The following DPP10 variants were observed in gnomAD, a reference collection of about 807,000 sequenced individuals.
DPP10 encodes dipeptidyl peptidase like 10, also known as inactive dipeptidyl peptidase 10.
In DPP10, 33 loss-of-function variants were observed where a neutral mutation model predicts 120.9. The ratio of observed to expected loss-of-function variants is 0.27; its 90% CI spans 0.21 to 0.37. The LOEUF is 0.37. DPP10 is among the 10% of genes least tolerant of loss of function. The pLI is 1.00. For missense variants in DPP10, 816 were observed against 942.8 expected, an observed-to-expected ratio of 0.87 and a Z score of 1.76; for synonymous variants, 337 against 326.1, an observed-to-expected ratio of 1.03 and a Z score of -0.36.
chr2:114,615,628 C>T (rs950499567), intron 1 of DPP10, among the ~76,000 whole-genome samples: 6 of 152,246 alleles, frequency 3.9e-5, no homozygotes, highest in African/African-American at 1.4e-4. Flanking sequence ...GTAATGGGTT[C>T]TATTCCCTAC....
intron 3 of DPP10, among the ~76,000 whole-genome samples, chr2:115,407,305 A>G (rs1160143740): frequency 2.2e-4 from 34 of 152,092 alleles, no homozygotes; most frequent in Admixed American, 2.2e-3. Flanking sequence ...TTGCCAGGGG[A>G]CCCTTGGCTG....
intron 1 of DPP10, among the ~76,000 whole-genome samples, chr2:114,940,944 T>C (rs1018991110): frequency 6.6e-6 from 1 of 152,188 alleles, no homozygotes; most frequent in Non-Finnish European, 1.5e-5. Context: ...ACATCCTTAT[T>C]CATGTGACCA....
At chr2:115,023,611 A>T (rs888176266) in intron 1 of DPP10, among the ~76,000 whole-genome samples, 1 of 152,192 alleles carries the variant, frequency 6.6e-6, no homozygotes, top group Non-Finnish European at 1.5e-5. Context: ...CTAGAAGTAG[A>T]TCTGCTGTTC....
At chr2:114,498,490 C>G (rs906931521) in intron 1 of DPP10, among the ~76,000 whole-genome samples, 1 of 152,180 alleles carries the variant, frequency 6.6e-6, no homozygotes, top group African/African-American at 2.4e-5. Flanking sequence ...CAGAATACCA[C>G]AAACTACGTA....
At chr2:114,445,534 CTGTGTGTGTGTGTGTGTGTGTGTGTG>C (rs145248880) in intron 1 of DPP10, among the ~76,000 whole-genome samples, 99 of 143,624 alleles carry the variant, frequency 6.9e-4, no homozygotes, top group African/African-American at 2.4e-3. Flanking sequence ...AAAAACAGCT[CTGTGTGTGTGTGTGTGTGTGTGTGTG>C]TGTGTGTGTG....
intron 9 of DPP10, among the ~76,000 whole-genome samples, chr2:115,741,705 G>A (rs1467057363): frequency 6.6e-6 from 1 of 152,010 alleles, no homozygotes; most frequent in South Asian, 2.1e-4. Context: ...TCTGTGGAAG[G>A]GACAACTGTT....
intron 4 of DPP10, among the ~76,000 whole-genome samples, chr2:115,520,597 C>G (rs1283877658): frequency 6.6e-6 from 1 of 152,020 alleles, no homozygotes; most frequent in Non-Finnish European, 1.5e-5. Flanking sequence ...ATACACATCC[C>G]TACTACACAG....
At chr2:114,540,597 C>T (rs920849626) in intron 1 of DPP10, among the ~76,000 whole-genome samples, 1 of 152,194 alleles carries the variant, frequency 6.6e-6, no homozygotes, top group Non-Finnish European at 1.5e-5. Context: ...GATGGAGCCA[C>T]ACTAAATATT....
chr2:115,464,540 C>G (rs1387933809), intron 3 of DPP10, among the ~76,000 whole-genome samples: 2 of 152,042 alleles, frequency 1.3e-5, no homozygotes, highest in Non-Finnish European at 2.9e-5. Flanking sequence ...TTGAGAGCTT[C>G]AAACAAACAT....
chr2:115,802,574 A>G (rs984254514), intron 19 of DPP10, among the ~76,000 whole-genome samples: 10 of 152,204 alleles, frequency 6.6e-5, no homozygotes, highest in African/African-American at 2.4e-4. Flanking sequence ...ATTTAGTGCT[A>G]TAAATTTCCC....
At chr2:114,949,800 G>A (rs895163304) in intron 1 of DPP10, among the ~76,000 whole-genome samples, 2 of 152,192 alleles carry the variant, frequency 1.3e-5, no homozygotes, top group African/African-American at 2.4e-5. Context: ...AGGAAACAAT[G>A]TGAGAATTCT....
At chr2:114,782,497 A>T (rs948469091) in intron 1 of DPP10, among the ~76,000 whole-genome samples, 1 of 152,074 alleles carries the variant, frequency 6.6e-6, no homozygotes, top group South Asian at 2.1e-4. Flanking sequence ...TCATGGGTTT[A>T]TAGCATCTGA....
At chr2:115,011,334 A>AT (rs754033617) in intron 1 of DPP10, among the ~76,000 whole-genome samples, 1 of 152,030 alleles carries the variant, frequency 6.6e-6, no homozygotes, top group Non-Finnish European at 1.5e-5. Flanking sequence ...ATCCTTACTG[A>AT]TTTTCTCTCT....
rs551485226 is a variant in DPP10 at position 115,543,323 on chromosome 2, T to C, written c.441+17351T>C. Among the ~76,000 whole-genome samples, 18 of 152,174 alleles carry C rather than the reference T, an allele frequency of 1.2e-4. No individual in the cohort carries two copies. In the South Asian group the frequency reaches 3.5e-3, roughly 30 times the overall value. On this transcript the variant is annotated intron_variant, in intron 5 of 25. Transcript: ENST00000410059. ...AAGAATAAAAAGGGTATAAGTCATT[T>C]TGACAGGTCTCAAAAGCATCTTAGT... is the stretch of plus-strand genomic sequence containing the variant.
chr2:114,496,531 G>C (rs1682532766), intron 1 of DPP10, among the ~76,000 whole-genome samples: 3 of 152,100 alleles, frequency 2.0e-5, no homozygotes, highest in African/African-American at 7.2e-5. Flanking sequence ...TAAGGTAGAA[G>C]TGCAAGAAGT....
chr2:115,830,845 A>G (rs1297931374), intron 21 of DPP10, among the ~76,000 whole-genome samples: 1 of 152,206 alleles, frequency 6.6e-6, no homozygotes, highest in Non-Finnish European at 1.5e-5. Flanking sequence ...AAAAATGTAA[A>G]TGAATATGAA....
intron 3 of DPP10, among the ~76,000 whole-genome samples, chr2:115,428,982 A>G (rs1360090280): frequency 1.3e-5 from 2 of 152,178 alleles, no homozygotes; most frequent in African/African-American, 4.8e-5. Flanking sequence ...TTGGGCAGCA[A>G]CAAATATTCA....
At chr2:115,141,270 A>C (rs2050912789) in intron 1 of DPP10, among the ~76,000 whole-genome samples, 1 of 152,216 alleles carries the variant, frequency 6.6e-6, no homozygotes, top group African/African-American at 2.4e-5. Context: ...TATCAGGAGC[A>C]TTCTCAAACT....
At chr2:115,368,994 A>T (rs2065240643) in intron 3 of DPP10, among the ~76,000 whole-genome samples, 1 of 151,928 alleles carries the variant, frequency 6.6e-6, no homozygotes, top group Non-Finnish European at 1.5e-5. Flanking sequence ...ATTTTCACTA[A>T]TAATATAATT....
Sources: allele counts gnomAD v4.1 joint callset (sites outside exome capture counted in the v4.1 genomes callset), GRCh38; gene constraint gnomAD v4.1.1; transcripts MANE v1.5; gene names NCBI Gene and HGNC (gene_info 2026-07-23, HGNC 2026-07-21).